PFKM: variants seen among roughly 807,000 people sequenced by gnomAD.
PFKM encodes the protein phosphofructokinase, muscle.
PFKM carries 58 observed loss-of-function variants against 95.5 expected under a neutral mutation model. That is an observed-to-expected ratio of 0.61 (90% CI 0.49 to 0.76). The LOEUF is 0.76. PFKM is among the 30% of genes least tolerant of loss of function. PFKM has a pLI of 0.00. For missense variants in PFKM, 678 were observed against 1,005.4 expected (o/e 0.67, Z 4.40); for synonymous variants, 336 against 357.2 (o/e 0.94, Z 0.67).
At position 48,109,704 on chromosome 12, in the gene PFKM, T is replaced by G. The variant is rs529803227; in HGVS notation, c.205+1510T>G. On this transcript the variant is annotated intron_variant, in intron 3 of 24. Transcript: ENST00000340802. ...CTTTAAATCCTGGGGTCTGTGTGGC[T>G]CAGTTAAGTGGCCACTCTTAACCCT... 2.0e-5 allele frequency among the ~76,000 whole-genome samples: 3 copies of G among 152,282 alleles called. No individual in the cohort carries two copies. The South Asian group carries it at 6.2e-4, about 32-fold the overall frequency.
rs767590779 is a variant in PFKM at position 48,107,339 on chromosome 12, G to A, written c.-9-26G>A. On this transcript the variant is annotated intron_variant, in intron 1 of 24. Transcript: ENST00000340802. Reference sequence around the variant, plus strand: ...TCTTATTTCACAGCTCTGTTCGTTTGGATTAAACTCTGTCTCTATTTCTAG... The same window carrying A: ...TCTTATTTCACAGCTCTGTTCGTTTAGATTAAACTCTGTCTCTATTTCTAG... 15 of 1,435,434 alleles carry A rather than the reference G, an allele frequency of 1.0e-5. No homozygotes were observed. The East Asian group carries it at 2.1e-4, about 20-fold the overall frequency. 88.9% of individuals were successfully genotyped at this position (1,435,434 alleles called of 1,614,324 possible). A position where few individuals can be genotyped will look rare whatever the true frequency, so the allele number is the denominator to read the frequency against.
exon 3 of PFKM, chr12:48,108,147 C>G (rs375402222): frequency 6.3e-7 from 1 of 1,598,428 alleles, no homozygotes; most frequent in Non-Finnish European, 8.5e-7. Flanking sequence ...AGTCTAGATA[C>G]TATGGATGAT....
chr12:48,141,592 G>T, intron 15 of PFKM, 148 bp from the exon 16 acceptor site: 1 of 786,246 alleles, frequency 1.3e-6, no homozygotes, highest in Non-Finnish European at 2.3e-6. Flanking sequence ...CCTTGGATAG[G>T]ACTGAGAGGG....
chr12:48,118,965 T>C (rs1299772245), upstream of PFKM, among the ~76,000 whole-genome samples: 1 of 152,104 alleles, frequency 6.6e-6, no homozygotes, highest in Non-Finnish European at 1.5e-5. Flanking sequence ...TAAAGACGGA[T>C]AGAGGGCCAC....
At chr12:48,128,738 C>T (rs1470910075) in intron 2 of PFKM, among the ~76,000 whole-genome samples, 3 of 151,980 alleles carry the variant, frequency 2.0e-5, no homozygotes, top group Admixed American at 1.3e-4. Context: ...CAGATTTTTC[C>T]GATTACTAGC....
intron 4 of PFKM, 129 bp downstream of exon 4, chr12:48,131,522 G>A (rs1949482407): frequency 4.0e-6 from 3 of 752,664 alleles, no homozygotes; most frequent in East Asian, 2.6e-5. Flanking sequence ...GACAAGAGAG[G>A]GACCCTATTT....
intron 1 of PFKM, among the ~76,000 whole-genome samples, chr12:48,107,117 TAAAG>T (rs768485555): frequency 3.3e-4 from 51 of 152,250 alleles, no homozygotes; most frequent in Middle Eastern, 3.4e-3. Context: ...AGCTCAGACT[TAAAG>T]AAGGGCAGTT....
At position 48,134,774 on chromosome 12, in the gene PFKM, C is replaced by T; in HGVS notation, c.692C>T (p.Pro231Leu). 1 of 1,614,140 alleles carries T rather than the reference C, an allele frequency of 6.2e-7. No homozygotes were observed. Among genetic ancestry groups the T allele is most frequent in the Non-Finnish European group, 8.5e-7 (1 of 1,179,990 alleles). Residue 231 changes from proline to leucine, a missense_variant, in exon 8 of 23, where the codon CCT (proline) becomes CTT (leucine). Transcript: ENST00000359794. ...LSCGADWVFI[P>L]ECPPDDDWEE... Reference sequence around the variant, plus strand: ...TGTGGGGCCGACTGGGTTTTTATTCCTGAATGTCCACCAGATGACGACTGG... The same window carrying T: ...TGTGGGGCCGACTGGGTTTTTATTCTTGAATGTCCACCAGATGACGACTGG...
intron 2 of PFKM, among the ~76,000 whole-genome samples, chr12:48,126,865 A>AAGC (rs1948899603): frequency 6.6e-6 from 1 of 152,170 alleles, no homozygotes; most frequent in Non-Finnish European, 1.5e-5. Context: ...ATCTTTCCTA[A>AAGC]AGCATTGAAG....
intron 5 of PFKM, 116 bp downstream of exon 5, chr12:48,133,173 C>G (rs1009803446): frequency 7.8e-7 from 1 of 1,281,404 alleles, no homozygotes. Flanking sequence ...GTTACCCAGA[C>G]ACAAATAGGC....
At chr12:48,105,658 C>T (rs894418752), upstream of PFKM, 1 of 428,482 alleles carries the variant, frequency 2.3e-6, no homozygotes, top group Non-Finnish European at 4.4e-6. Context: ...AAACAGCTCT[C>T]CCCAGAGAAG....
intron 3 of PFKM, chr12:48,108,309 A>T: frequency 1.1e-6 from 1 of 883,758 alleles, no homozygotes; most frequent in Non-Finnish European, 1.7e-6. Context: ...ATAAGACCCA[A>T]GGGGGAAAGT....
chr12:48,137,202 C>T (rs1950183100), intron 10 of PFKM, among the ~76,000 whole-genome samples: 1 of 151,880 alleles, frequency 6.6e-6, no homozygotes, highest in Admixed American at 6.6e-5. Context: ...GCTAGGATTA[C>T]AGGCACATGC....
At position 48,131,334 on chromosome 12, in the gene PFKM, G is replaced by T; in HGVS notation, c.178G>T (p.Asp60Tyr). The T allele has an allele frequency of 6.2e-7, 1 of 1,613,014 alleles. No homozygotes were observed. The highest frequency in any genetic ancestry group is 2.2e-5 in the East Asian group (1 of 44,864). The part of the protein sequence containing the change: ...FVHEGYQGLV[D>Y]GGDHIKEATW... ...CACACAGGGTTATCAAGGCCTGGTG[G>T]ATGGTGGAGATCACATCAAGGAAGC... is the stretch of plus-strand genomic sequence containing the variant. Residue 60 changes from aspartate to tyrosine, a missense_variant, in exon 4 of 23, where the codon GAT becomes TAT. Physicochemically the swap from Asp to Tyr is radical, Grantham distance 160. Coordinates refer to ENST00000359794, the MANE Select transcript of PFKM (RefSeq NM_000289.6).
chr12:48,134,849 C>T lies in PFKM; in HGVS notation c.747+20C>T. 2.5e-6 allele frequency: 4 copies of T among 1,602,840 alleles called. No individual in the cohort carries two copies. The highest frequency in any genetic ancestry group is 3.4e-6 in the Non-Finnish European group (4 of 1,169,844). ...AGCGAGGTACTTGCACTTTATTTTG[C>T]CCTTAAGAAATCCCTCACCCTGTTC... On this transcript the variant is annotated intron_variant, in intron 8 of 22. Coordinates refer to ENST00000359794, the MANE Select transcript of PFKM (RefSeq NM_000289.6).
chr12:48,117,957 A>C (rs113145940), upstream of PFKM, among the ~76,000 whole-genome samples: 1,041 of 152,322 alleles, frequency 6.8e-3, 8 homozygotes, highest in Non-Finnish European at 0.011. Flanking sequence ...AGATTTTCTG[A>C]TTGGAAATTG....
intron 10 of PFKM, among the ~76,000 whole-genome samples, chr12:48,136,762 C>CT (rs536443662): frequency 0.013 from 438 of 33,132 alleles, 2 homozygotes; most frequent in Admixed American, 0.019. Flanking sequence ...TTCTTTCTTT[C>CT]TTTTTTTTTG....
At chr12:48,132,676 T>G in intron 4 of PFKM, 192 bp from the exon 5 acceptor site, 1 of 623,094 alleles carries the variant, frequency 1.6e-6, no homozygotes, top group Non-Finnish European at 2.9e-6. Flanking sequence ...TAGCAAAATA[T>G]GGGAATGACC....
At chr12:48,106,108 C>G in exon 1 of PFKM, 1 of 702,728 alleles carries the variant, frequency 1.4e-6, no homozygotes, top group Non-Finnish European at 2.6e-6. Context: ...CGAACCGGAA[C>G]CGCCTTCACA....
Sources: gnomAD v4.1 joint callset for allele counts (sites outside exome capture counted in the v4.1 genomes callset) on GRCh38, gnomAD v4.1.1 for gene constraint, MANE v1.5 for transcripts, NCBI Gene and HGNC (gene_info 2026-07-23, HGNC 2026-07-21) for gene names.